Variants in OR4K17 observed in about 807,000 individuals in gnomAD.
OR4K17 encodes olfactory receptor 4K17.
For missense variants in OR4K17, 480 were observed against 366.3 expected, an observed-to-expected ratio of 1.31 and a Z score of -2.53; for synonymous variants, 157 against 132.8, an observed-to-expected ratio of 1.18 and a Z score of -1.25.
chr14:20,111,698 T>A (rs1271789958), intron 1 of OR4K17, among the ~76,000 whole-genome samples: 5 of 152,060 alleles, frequency 3.3e-5, no homozygotes, highest in Non-Finnish European at 7.4e-5. Flanking sequence ...ATTTGAGTTC[T>A]TGCTAAAAGG....
chr14:20,115,361 A>T (rs1039678409), intron 1 of OR4K17, among the ~76,000 whole-genome samples: 51 of 152,192 alleles, frequency 3.4e-4, no homozygotes, highest in African/African-American at 1.2e-3. Flanking sequence ...GAAATATATA[A>T]ATTTTGTATG....
At chr14:20,116,230 C>T (rs1025671818) in intron 1 of OR4K17, among the ~76,000 whole-genome samples, 6 of 152,100 alleles carry the variant, frequency 3.9e-5, no homozygotes, top group African/African-American at 1.2e-4. Context: ...CACATTGTAA[C>T]TCACAGAAGC....
rs1878073360 is a variant in OR4K17 at position 20,118,416 on chromosome 14, T to C, written c.917T>C (p.Val306Ala). 1 of 1,599,494 alleles carries C rather than the reference T, an allele frequency of 6.3e-7. No homozygotes were observed. Among genetic ancestry groups the C allele is most frequent in the African/African-American group, 1.3e-5 (1 of 74,224 alleles). Residue 306 changes from valine to alanine, a missense_variant, in exon 2 of 2, where the codon GTG becomes GCG. By Grantham distance (64) the Val-to-Ala change is moderately conservative. Transcript: ENST00000641386. ...ISMKKLWRAFVNSREDT is the reference protein window; with the variant it reads ...ISMKKLWRAFANSREDT ...ATGAAAAAACTCTGGAGAGCTTTTG[T>C]GAATTCTAGAGAAGATACTTAGATT...
At position 20,117,814 on chromosome 14, in the gene OR4K17, C is replaced by T; in HGVS notation, c.315C>T (p.His105=). Reference sequence around the variant, plus strand: ...GCTTCACTCAGATATTTCTCCTTCACTTACTGGGTGGGGTTGAAATGGTAC... The same window carrying T: ...GCTTCACTCAGATATTTCTCCTTCATTTACTGGGTGGGGTTGAAATGGTAC... ...AGCFTQIFLL[H]LLGGVEMVLL... is the part of the protein sequence containing the mutation. Residue 105 remains histidine (H), a synonymous_variant, in exon 2 of 2, where the codon CAC becomes CAT. Transcript: ENST00000641386. 1.2e-6 allele frequency: 2 copies of T among 1,614,096 alleles called. No homozygotes were observed. Among genetic ancestry groups the T allele is most frequent in the Non-Finnish European group, 1.7e-6 (2 of 1,180,014 alleles).
intron 1 of OR4K17, among the ~76,000 whole-genome samples, chr14:20,116,437 C>G (rs1343949040): frequency 6.6e-6 from 1 of 152,066 alleles, no homozygotes. Flanking sequence ...ACAGTCATAT[C>G]CTCAGCCTGA....
chr14:20,121,944 T>C lies in OR4K17; in HGVS notation c.*3506T>C, dbSNP rs1424905175. 6.6e-6 allele frequency: 1 copy of C among 152,130 alleles called. No individual in the cohort carries two copies. The highest frequency in any genetic ancestry group is 1.5e-5 in the Non-Finnish European group (1 of 67,984). 9.4% of individuals were successfully genotyped at this position (152,130 alleles called of 1,614,324 possible). A position where few individuals can be genotyped will look rare whatever the true frequency, so the allele number is the denominator to read the frequency against. ...ACTATTTACATTTTATTTGATATTATAAGTTATCTAGAGTTGGTATAAATC... is the reference window on the plus strand; with the variant it reads ...ACTATTTACATTTTATTTGATATTACAAGTTATCTAGAGTTGGTATAAATC... On this transcript the variant is annotated 3_prime_UTR_variant, in exon 2 of 2. Coordinates refer to ENST00000641386, the MANE Select transcript of OR4K17 (RefSeq NM_001004715.5).
intron 1 of OR4K17, among the ~76,000 whole-genome samples, chr14:20,111,477 C>A (rs1453765333): frequency 6.6e-6 from 1 of 151,966 alleles, no homozygotes; most frequent in Admixed American, 6.6e-5. Context: ...CTGAAACTAT[C>A]TTTCTAGAGG....
At chr14:20,111,956 C>A (rs1273526844) in intron 1 of OR4K17, 1 of 152,018 alleles carries the variant, frequency 6.6e-6, no homozygotes, top group African/African-American at 2.4e-5. Flanking sequence ...AATCCAAGAT[C>A]CACTTTCTCT....
chr14:20,118,409 G>A lies in OR4K17; in HGVS notation c.910G>A (p.Ala304Thr). 1 of 1,602,996 alleles carries A rather than the reference G, an allele frequency of 6.2e-7. No homozygotes were observed. Among genetic ancestry groups the A allele is most frequent in the South Asian group, 1.1e-5 (1 of 89,612 alleles). Residue 304 changes from alanine (A) to threonine (T), a missense_variant, in exon 2 of 2, where the codon GCT becomes ACT. By Grantham distance (58) the Ala-to-Thr change is moderately conservative. Coordinates refer to ENST00000641386, the MANE Select transcript of OR4K17 (RefSeq NM_001004715.5). ...GATATCCATGAAAAAACTCTGGAGA[G>A]CTTTTGTGAATTCTAGAGAAGATAC... is the stretch of plus-strand genomic sequence containing the variant. ...MKISMKKLWR[A>T]FVNSREDT
intron 1 of OR4K17, among the ~76,000 whole-genome samples, chr14:20,113,770 G>A (rs998377922): frequency 2.6e-5 from 4 of 151,876 alleles, no homozygotes; most frequent in African/African-American, 7.3e-5. Flanking sequence ...TTTATACTTT[G>A]TGTTGCTCCA....
In OR4K17 at chr14:20,120,759, T is replaced by C. The variant is rs963298068; in HGVS notation, c.*2321T>C. 6.6e-6 allele frequency: 1 copy of C among 152,284 alleles called. No individual in the cohort carries two copies. The highest frequency in any genetic ancestry group is 1.9e-4 in the East Asian group (1 of 5,194). The allele number at this position is 152,284 out of a possible 1,614,324, so 9.4% of individuals were successfully genotyped here. On this transcript the variant is annotated 3_prime_UTR_variant, in exon 2 of 2. Coordinates refer to ENST00000641386, the MANE Select transcript of OR4K17 (RefSeq NM_001004715.5). ...CGCTTATGGCTCCAGATCCATGGCTTCCCCTAGGGTACCCCTCGTCAGACA... is the reference window on the plus strand; with the variant it reads ...CGCTTATGGCTCCAGATCCATGGCTCCCCCTAGGGTACCCCTCGTCAGACA...
chr14:20,118,076 T>C lies in OR4K17; in HGVS notation c.577T>C (p.Tyr193His), dbSNP rs774437879. 1 of 1,614,108 alleles carries C rather than the reference T, an allele frequency of 6.2e-7. No individual in the cohort carries two copies. Among genetic ancestry groups the C allele is most frequent in the Non-Finnish European group, 8.5e-7 (1 of 1,179,984 alleles). ...TACTAAGCTTGCCTGTATAGACATATATTTTGTACAGGTAGTCATTGTTGC... is the reference window on the plus strand; with the variant it reads ...TACTAAGCTTGCCTGTATAGACATACATTTTGTACAGGTAGTCATTGTTGC... ...LVTKLACIDIYFVQVVIVANS... is the reference protein window; with the variant it reads ...LVTKLACIDIHFVQVVIVANS... Residue 193 changes from tyrosine (Y) to histidine (H), a missense_variant, in exon 2 of 2, where the codon TAT becomes CAT. By Grantham distance (83) the Tyr-to-His change is moderately conservative. Transcript: ENST00000641386.
chr14:20,117,699 C>T lies in OR4K17; in HGVS notation c.200C>T (p.Ser67Phe). 6.2e-7 allele frequency: 1 copy of T among 1,613,988 alleles called. No individual in the cohort carries two copies. Among genetic ancestry groups the T allele is most frequent in the Non-Finnish European group, 8.5e-7 (1 of 1,179,932 alleles). Residue 67 changes from serine to phenylalanine, a missense_variant, in exon 2 of 2, where the codon TCT becomes TTT. Transcript: ENST00000641386. ...TPMYFLLGNLSFVDMTLASFA... is the reference protein window; with the variant it reads ...TPMYFLLGNLFFVDMTLASFA... ...ATGTATTTTCTCCTTGGTAATCTCT[C>T]TTTTGTAGATATGACCCTTGCTTCT...
At chr14:20,116,092 G>T (rs1488989453) in intron 1 of OR4K17, among the ~76,000 whole-genome samples, 1 of 152,084 alleles carries the variant, frequency 6.6e-6, no homozygotes, top group South Asian at 2.1e-4. Context: ...CAACCACTTG[G>T]TTTTACCAAT....
Position 20,119,989 on chromosome 14 carries a change from A to G in OR4K17, c.*1551A>G, listed in dbSNP as rs1461621513. ...CAGTCAAGATTATTTTTAATGCAGC[A>G]CCAAAAATAATAAATTATTGATTTT... On this transcript the variant is annotated 3_prime_UTR_variant, in exon 2 of 2. Transcript: ENST00000641386. 1.3e-5 allele frequency: 2 copies of G among 152,226 alleles called. No homozygotes were observed. Among genetic ancestry groups the G allele is most frequent in the Admixed American group, 1.3e-4 (2 of 15,274 alleles). 9.4% of individuals were successfully genotyped at this position (152,226 alleles called of 1,614,324 possible).
At position 20,117,871 on chromosome 14, in the gene OR4K17, G is replaced by T; in HGVS notation, c.372G>T (p.Val124=). Residue 124 remains valine (V), a synonymous_variant, in exon 2 of 2, where the codon GTG becomes GTT. Transcript: ENST00000641386. ...LLVSMAFDRY[V]AICKPLHYMT... ...TCTCCATGGCTTTTGACAGATATGT[G>T]GCCATTTGTAAGCCCCTACACTACA... 4 of 1,613,900 alleles carry T rather than the reference G, an allele frequency of 2.5e-6. No individual in the cohort carries two copies. Among genetic ancestry groups the T allele is most frequent in the Non-Finnish European group, 3.4e-6 (4 of 1,179,982 alleles).
intron 1 of OR4K17, among the ~76,000 whole-genome samples, chr14:20,115,210 C>T (rs1329160707): frequency 6.6e-6 from 1 of 152,066 alleles, no homozygotes; most frequent in African/African-American, 2.4e-5. Flanking sequence ...TCCAAAAATA[C>T]ATATCTGAGC....
chr14:20,116,904 A>T (rs961713088), intron 1 of OR4K17, among the ~76,000 whole-genome samples: 2 of 152,202 alleles, frequency 1.3e-5, no homozygotes, highest in Non-Finnish European at 2.9e-5. Context: ...CTGGTGGAAG[A>T]TAAGGAGGAA....
chr14:20,116,769 C>T (rs565598863), intron 1 of OR4K17, among the ~76,000 whole-genome samples: 6 of 152,158 alleles, frequency 3.9e-5, no homozygotes, highest in African/African-American at 1.4e-4. Flanking sequence ...CTCCTTTGGC[C>T]TTATAGAAAT....
Sources: gnomAD v4.1 joint callset for allele counts (sites outside exome capture counted in the v4.1 genomes callset) on GRCh38, gnomAD v4.1.1 for gene constraint, MANE v1.5 for transcripts, NCBI Gene and HGNC (gene_info 2026-07-23, HGNC 2026-07-21) for gene names.